Variants in RAB38 observed in about 807,000 individuals in gnomAD.
The protein encoded by RAB38 is RAB38, member RAS oncogene family.
A neutral mutation model predicts 18.4 loss-of-function variants in RAB38; 15 were observed. The ratio of observed to expected loss-of-function variants is 0.82; its 90% CI spans 0.55 to 1.26. RAB38 has a LOEUF of 1.26. RAB38 is among the 50% of genes most tolerant of loss of function. RAB38 has a pLI of 0.00. For synonymous variants in RAB38, 101 were observed against 104.4 expected (o/e 0.97, Z 0.20); for missense variants, 294 against 267.4 (o/e 1.10, Z -0.69).
At chr11:87,843,449 T>C in the RAB38 span, among the ~76,000 whole-genome samples, 1 of 152,222 alleles carries the variant, frequency 6.6e-6, no homozygotes, top group East Asian at 1.9e-4. Context: ...GAGTTACCTA[T>C]AAATTACTCA....
the RAB38 span, among the ~76,000 whole-genome samples, chr11:88,074,019 A>G: frequency 3.7e-4 from 55 of 149,656 alleles, no homozygotes; most frequent in African/African-American, 1.4e-3. Flanking sequence ...AGAAATGAAG[A>G]TCGCCTACAA....
chr11:87,833,783 C>G, the RAB38 span, among the ~76,000 whole-genome samples: 7 of 152,182 alleles, frequency 4.6e-5, no homozygotes, highest in Non-Finnish European at 8.8e-5. Flanking sequence ...TTGCTATTAT[C>G]TCTAATGAGG....
chr11:88,126,713 A>G (rs979181195), intron 2 of RAB38, among the ~76,000 whole-genome samples: 3 of 151,460 alleles, frequency 2.0e-5, no homozygotes, highest in African/African-American at 4.9e-5. Context: ...TAAAAAAAAA[A>G]AGAAAGACTC....
At chr11:87,821,927 A>C in the RAB38 span, among the ~76,000 whole-genome samples, 1 of 152,048 alleles carries the variant, frequency 6.6e-6, no homozygotes, top group Admixed American at 6.6e-5. Flanking sequence ...ATATTATATA[A>C]GCTGGAGAAA....
the RAB38 span, among the ~76,000 whole-genome samples, chr11:87,820,643 T>A: frequency 6.6e-6 from 1 of 152,086 alleles, no homozygotes; most frequent in Non-Finnish European, 1.5e-5. Flanking sequence ...AATAAGCTTA[T>A]GAAAATGAAC....
At chr11:87,826,778 C>T in the RAB38 span, among the ~76,000 whole-genome samples, 4 of 152,070 alleles carry the variant, frequency 2.6e-5, no homozygotes, top group African/African-American at 9.7e-5. Context: ...AATACCACAA[C>T]CACCAGGTAA....
At chr11:87,947,969 T>C in the RAB38 span, among the ~76,000 whole-genome samples, 1 of 152,234 alleles carries the variant, frequency 6.6e-6, no homozygotes, top group Non-Finnish European at 1.5e-5. Flanking sequence ...GCAGTGAATC[T>C]ATAAATTACC....
chr11:88,170,310 T>A (rs550080839), intron 1 of RAB38, among the ~76,000 whole-genome samples: 3 of 152,176 alleles, frequency 2.0e-5, no homozygotes, highest in Non-Finnish European at 2.9e-5. Context: ...TCAGACTCGA[T>A]ATGCATTTTG....
the RAB38 span, among the ~76,000 whole-genome samples, chr11:87,905,377 C>T: frequency 1.1e-5 from 1 of 92,716 alleles, no homozygotes; most frequent in Non-Finnish European, 1.9e-5. Context: ...TTTTCTCATA[C>T]TTATAGGGCA....
At chr11:88,073,390 T>C in the RAB38 span, among the ~76,000 whole-genome samples, 5 of 152,112 alleles carry the variant, frequency 3.3e-5, no homozygotes, top group African/African-American at 1.2e-4. Context: ...AACCCCCCTC[T>C]TTTGGAACTG....
chr11:87,940,057 C>T, the RAB38 span, among the ~76,000 whole-genome samples: 4 of 148,572 alleles, frequency 2.7e-5, no homozygotes, highest in African/African-American at 9.9e-5. Context: ...AAAGATCAAA[C>T]AAAAAATCCA....
Position 88,164,261 on chromosome 11 carries a change from G to C in RAB38, c.202+10922C>G, listed in dbSNP as rs887053319. ...AATATATGCCAAGGTGCTCTCGGTG[G>C]GGGGGGGTGCCATGGTGAACTCACA... On this transcript the variant is annotated intron_variant, in intron 1 of 2. Transcript: ENST00000243662. 3.7e-4 allele frequency among the ~76,000 whole-genome samples: 50 copies of C among 134,600 alleles called. 10 individuals carry two copies. The highest frequency in any genetic ancestry group is 1.1e-3 in the African/African-American group (42 of 36,780). The allele number at this position is 134,600 out of a possible 152,430, so 88.3% of individuals were successfully genotyped here. A position where few individuals can be genotyped will look rare whatever the true frequency, so the allele number is the denominator to read the frequency against.
chr11:88,090,299 T>C, the RAB38 span, among the ~76,000 whole-genome samples: 1 of 152,132 alleles, frequency 6.6e-6, no homozygotes, highest in Non-Finnish European at 1.5e-5. Flanking sequence ...TCGAATGTGC[T>C]TCAGTAGCCT....
chr11:88,175,264 T>A lies in RAB38; in HGVS notation c.121A>T (p.Thr41Ser), dbSNP rs1253866239. The A allele has an allele frequency of 6.2e-7, 1 of 1,614,066 alleles. No individual in the cohort carries two copies. Among genetic ancestry groups the A allele is most frequent in the Non-Finnish European group, 8.5e-7 (1 of 1,180,040 alleles). The change falls in exon 1 of 3, where the codon ACA becomes TCA. Residue 41 changes from threonine (T) to serine (S), a missense_variant. Physicochemically the swap from Thr to Ser is moderately conservative, Grantham distance 58. Coordinates refer to ENST00000243662, the MANE Select transcript of RAB38 (RefSeq NM_022337.3). ...TTGAGCGCGAAGTCCACGCCGATTG[T>A]GGCCCGGTAGTGCGAAGAGAAGTTC... The part of the protein sequence containing the change: ...HQNFSSHYRA[T>S]IGVDFALKVL...
the RAB38 span, among the ~76,000 whole-genome samples, chr11:88,049,708 G>A: frequency 4.6e-5 from 7 of 152,162 alleles, no homozygotes; most frequent in South Asian, 4.1e-4. Flanking sequence ...TCTTTGCTCC[G>A]TGAGAAAGAT....
chr11:87,947,017 A>G, the RAB38 span, among the ~76,000 whole-genome samples: 2 of 152,030 alleles, frequency 1.3e-5, no homozygotes, highest in Admixed American at 1.3e-4. Context: ...ACAGTGTAAA[A>G]GTGTTCCTAT....
chr11:87,961,271 G>A, the RAB38 span, among the ~76,000 whole-genome samples: 1 of 152,108 alleles, frequency 6.6e-6, no homozygotes, highest in South Asian at 2.1e-4. Context: ...TAATTTGAAA[G>A]TGCCTAAGGA....
chr11:88,034,513 T>C, the RAB38 span, among the ~76,000 whole-genome samples: 3 of 152,264 alleles, frequency 2.0e-5, no homozygotes, highest in Non-Finnish European at 4.4e-5. Context: ...CAGTATTTGA[T>C]GATATCATAA....
At chr11:87,820,158 C>T in the RAB38 span, among the ~76,000 whole-genome samples, 13 of 152,306 alleles carry the variant, frequency 8.5e-5, no homozygotes, top group East Asian at 1.5e-3. Context: ...CTGCAGCTGG[C>T]GTTCACTCTA....
Sources: gnomAD v4.1 joint callset for allele counts (sites outside exome capture counted in the v4.1 genomes callset) on GRCh38, gnomAD v4.1.1 for gene constraint, MANE v1.5 for transcripts, NCBI Gene and HGNC (gene_info 2026-07-23, HGNC 2026-07-21) for gene names.